Variants in GNPTAB observed in about 807,000 individuals in gnomAD.
GNPTAB encodes N-acetylglucosamine-1-phosphate transferase subunits alpha and beta.
A neutral mutation model predicts 136.6 loss-of-function variants in GNPTAB; 92 were observed. That is an observed-to-expected ratio of 0.67 (90% CI 0.57 to 0.80). The LOEUF is 0.80. GNPTAB is among the 30% of genes least tolerant of loss of function. The pLI, the probability that GNPTAB is intolerant of heterozygous loss-of-function variation, is 0.00. For synonymous variants in GNPTAB, 512 were observed against 535.1 expected, an observed-to-expected ratio of 0.96 and a Z score of 0.60; for missense variants, 1,343 against 1,501.8, an observed-to-expected ratio of 0.89 and a Z score of 1.75.
At chr12:101,768,755 A>T (rs1177288211) in intron 10 of GNPTAB, among the ~76,000 whole-genome samples, 1 of 152,188 alleles carries the variant, frequency 6.6e-6, no homozygotes, top group East Asian at 1.9e-4. Flanking sequence ...CCTCTTTAAA[A>T]ATCTCTGTGC....
At chr12:101,801,230 T>TC (rs546286055) in intron 1 of GNPTAB, among the ~76,000 whole-genome samples, 298 of 14,504 alleles carry the variant, frequency 0.021, 6 homozygotes, top group African/African-American at 0.096. Flanking sequence ...AGACCCTGTC[T>TC]CAAAAAAAAA....
chr12:101,796,364 GA>G (rs1369255167), intron 2 of GNPTAB: 2 of 687,984 alleles, frequency 2.9e-6, no homozygotes, highest in African/African-American at 3.5e-5. Context: ...AAAATGTGGT[GA>G]ACACACTTTT....
At chr12:101,774,311 T>C (rs1001300083) in intron 7 of GNPTAB, among the ~76,000 whole-genome samples, 1 of 152,204 alleles carries the variant, frequency 6.6e-6, no homozygotes, top group African/African-American at 2.4e-5. Context: ...GGTATATTTC[T>C]AAAGACAACA....
Position 101,771,043 on chromosome 12 carries a change from T to C in GNPTAB, c.886A>G (p.Thr296Ala), listed in dbSNP as rs1594219683. 1.3e-5 allele frequency: 21 copies of C among 1,614,088 alleles called. No homozygotes were observed. In the East Asian group the frequency reaches 4.7e-4, roughly 36 times the overall value. ...CATAATAAATATGCAGGACTTATGG[T>C]CAGTTCTTTTCCATCAATGGTCATG... ...KNMTIDGKEL[T>A]ISPAYLLWDL... is the part of the protein sequence containing the mutation. The change falls in exon 8 of 21, where the codon ACC becomes GCC. Residue 296 changes from threonine (T) to alanine (A), a missense_variant. Thr to Ala is a moderately conservative substitution (Grantham distance 58). Transcript: ENST00000299314.
At chr12:101,759,569 C>A (rs568592908) in intron 16 of GNPTAB, among the ~76,000 whole-genome samples, 2 of 152,238 alleles carry the variant, frequency 1.3e-5, no homozygotes, top group African/African-American at 2.4e-5. Flanking sequence ...ATAATCTATA[C>A]TCTTTCAATT....
chr12:101,827,829 G>C (rs1336467150), intron 1 of GNPTAB, among the ~76,000 whole-genome samples: 1 of 152,112 alleles, frequency 6.6e-6, no homozygotes, highest in East Asian at 1.9e-4. Flanking sequence ...AGTCTAGCGT[G>C]ATGGCGGGTG....
chr12:101,794,478 A>G (rs887048995), intron 2 of GNPTAB, among the ~76,000 whole-genome samples: 1 of 152,024 alleles, frequency 6.6e-6, no homozygotes, highest in African/African-American at 2.4e-5. Context: ...GCAAGACCCC[A>G]TCTCTATTAA....
intron 7 of GNPTAB, among the ~76,000 whole-genome samples, chr12:101,772,839 CG>C (rs1195243348): frequency 6.6e-6 from 1 of 152,116 alleles, no homozygotes; most frequent in Non-Finnish European, 1.5e-5. Context: ...TTTTTTGAGA[CG>C]GAGTCTGACT....
chr12:101,776,649 G>A (rs1953265952), intron 7 of GNPTAB, among the ~76,000 whole-genome samples: 1 of 152,232 alleles, frequency 6.6e-6, no homozygotes, highest in Non-Finnish European at 1.5e-5. Flanking sequence ...ACACATTTCT[G>A]TGCCTAGAGT....
chr12:101,760,066 A>C lies in GNPTAB; in HGVS notation c.3213T>G (p.Ile1071Met), dbSNP rs201701089. Residue 1071 changes from isoleucine (I) to methionine (M), a missense_variant, in exon 16 of 21, where the codon ATT (isoleucine) becomes ATG (methionine). By Grantham distance (10) the Ile-to-Met change is conservative (BLOSUM62 1). Transcript: ENST00000299314. ...CATAGTAGGATTCCTGAGTTGGTGG[A>C]ATATTATTTAGCTGCGTGATATCAG... The part of the protein sequence containing the change: ...LPADITQLNN[I>M]PPTQESYYDP... 6.2e-7 allele frequency: 1 copy of C among 1,613,192 alleles called. No individual in the cohort carries two copies. Among genetic ancestry groups the C allele is most frequent in the Non-Finnish European group, 8.5e-7 (1 of 1,179,160 alleles).
chr12:101,750,300 G>A lies in GNPTAB; in HGVS notation c.3603-1109C>T, dbSNP rs141165143. ...GATTCTCATTTTCCACTGTTTGGGCGTCTCTACCTCAAGTCACACATCCAA... is the reference window on the plus strand; with the variant it reads ...GATTCTCATTTTCCACTGTTTGGGCATCTCTACCTCAAGTCACACATCCAA... On this transcript the variant is annotated intron_variant, in intron 19 of 20. Transcript: ENST00000299314. 1.6e-4 allele frequency among the ~76,000 whole-genome samples: 24 copies of A among 152,256 alleles called. No homozygotes were observed. In the South Asian group the frequency reaches 2.1e-3, roughly 13 times the overall value.
rs541951179 is a variant in GNPTAB at position 101,797,188 on chromosome 12, A to C, written c.118-426T>G. Among the ~76,000 whole-genome samples, 5 of 152,218 alleles carry C rather than the reference A, an allele frequency of 3.3e-5. 1 individual carries two copies. The highest frequency in any genetic ancestry group is 9.6e-5 in the African/African-American group (4 of 41,534). On this transcript the variant is annotated intron_variant, in intron 1 of 20. Transcript: ENST00000299314. ...GAAGACAGGTAGATAACTGTTGAGA[A>C]ATGGGTCTAGGAAAGAAAGCTGGGC...
intron 1 of GNPTAB, among the ~76,000 whole-genome samples, chr12:101,802,247 GAAGA>G (rs1869683892): frequency 6.8e-6 from 1 of 147,196 alleles, no homozygotes; most frequent in South Asian, 2.2e-4. Context: ...AAAAAGGAAA[GAAGA>G]AAGAAAGAAA....
In GNPTAB at chr12:101,830,713, A is replaced by AGCCGCCGCCGCC. The variant is rs76300806; in HGVS notation, c.-50_-39dup. 6.7e-6 allele frequency: 7 copies of AGCCGCCGCCGCC among 1,046,864 alleles called. No individual in the cohort carries two copies. In the Middle Eastern group the frequency reaches 1.2e-3, roughly 177 times the overall value. The allele number at this position is 1,046,864 out of a possible 1,614,324, so 64.8% of individuals were successfully genotyped here. A position where few individuals can be genotyped will look rare whatever the true frequency, so the allele number is the denominator to read the frequency against. On this transcript the variant is annotated 5_prime_UTR_variant, in exon 1 of 21. Coordinates refer to ENST00000299314, the MANE Select transcript of GNPTAB (RefSeq NM_024312.5). Reference sequence around the variant, plus strand: ...GCCACGCCACGCCCCGAGGAGCCTGAGCCGCCGCCGCCGCCGCCGCCGCCT... The same window carrying AGCCGCCGCCGCC: ...GCCACGCCACGCCCCGAGGAGCCTGAGCCGCCGCCGCCGCCGCCGCCGCCGCCGCCGCCGCCT...
At chr12:101,747,298 A>C in intron 20 of GNPTAB, 57 bp from the exon 21 acceptor site, 1 of 999,930 alleles carries the variant, frequency 1.0e-6, no homozygotes, top group Non-Finnish European at 1.6e-6. Context: ...AAAGAATATA[A>C]GTGCATCAAA....
intron 1 of GNPTAB, among the ~76,000 whole-genome samples, chr12:101,801,350 T>C (rs1431359419): frequency 1.4e-5 from 2 of 147,218 alleles, no homozygotes; most frequent in East Asian, 2.0e-4. Context: ...GAGACCAGCA[T>C]AGGCAACACG....
chr12:101,819,889 T>C (rs945342225), intron 1 of GNPTAB, among the ~76,000 whole-genome samples: 7 of 152,220 alleles, frequency 4.6e-5, no homozygotes, highest in Admixed American at 3.3e-4. Context: ...GTACAAGCTA[T>C]ATTAAATAAA....
In GNPTAB at chr12:101,767,789, A is replaced by AT. The variant is rs1953116909; in HGVS notation, c.1408+247dup. The AT allele has an allele frequency of 2.0e-5, 12 of 608,628 alleles. 1 individual carries two copies. Among genetic ancestry groups the AT allele is most frequent in the South Asian group, 7.9e-5 (4 of 50,566 alleles). 37.7% of individuals were successfully genotyped at this position (608,628 alleles called of 1,614,324 possible). On this transcript the variant is annotated intron_variant, in intron 11 of 20. Transcript: ENST00000299314. ...AGGTTTGCACCACCACACTTGGCTA[A>AT]TTTTTTTTGATAGAGATGGGGTCTT...
chr12:101,752,627 T>C (rs78178973), intron 19 of GNPTAB, among the ~76,000 whole-genome samples: 1,711 of 152,234 alleles, frequency 0.011, 42 homozygotes, highest in African/African-American at 0.039. Context: ...GCCCTGATCA[T>C]TCCCACCTCC....
Sources: allele counts gnomAD v4.1 joint callset (sites outside exome capture counted in the v4.1 genomes callset), GRCh38; gene constraint gnomAD v4.1.1; transcripts MANE v1.5; gene names NCBI Gene and HGNC (gene_info 2026-07-23, HGNC 2026-07-21).